The following ITPRID1 variants were observed in gnomAD, a reference collection of about 807,000 sequenced individuals.
ITPRID1 encodes the protein ITPR interacting domain containing 1.
ITPRID1 carries 96 observed loss-of-function variants against 95.4 expected under a neutral mutation model. The observed-to-expected ratio is 1.01, with a 90% CI of 0.85 to 1.19. The LOEUF (loss-of-function observed/expected upper bound fraction) is 1.19. Among genes scored for constraint, ITPRID1 ranks in the 50% most tolerant of loss-of-function variants. The pLI, the probability that ITPRID1 is intolerant of heterozygous loss-of-function variation, is 0.00. For missense variants in ITPRID1, 1,339 were observed against 1,252.9 expected, an observed-to-expected ratio of 1.07 and a Z score of -1.04; for synonymous variants, 510 against 453.6, an observed-to-expected ratio of 1.12 and a Z score of -1.58.
At chr7:31,571,900 C>T (rs1785002535) in intron 6 of ITPRID1, among the ~76,000 whole-genome samples, 1 of 152,164 alleles carries the variant, frequency 6.6e-6, no homozygotes, top group Admixed American at 6.6e-5. Flanking sequence ...TAAATTCTTA[C>T]ACCTTCTATA....
chr7:31,590,600 G>C (rs1329381908), intron 10 of ITPRID1, among the ~76,000 whole-genome samples: 1 of 152,182 alleles, frequency 6.6e-6, no homozygotes, highest in African/African-American at 2.4e-5. Context: ...TGAATATAAA[G>C]AGCGGACAAG....
chr7:31,592,853 A>G (rs1785925987), intron 10 of ITPRID1, among the ~76,000 whole-genome samples: 1 of 152,204 alleles, frequency 6.6e-6, no homozygotes, highest in Non-Finnish European at 1.5e-5. Flanking sequence ...AATAAAACCA[A>G]GGAAGGTTAA....
At chr7:31,630,978 T>C (rs1164267084) in intron 10 of ITPRID1, among the ~76,000 whole-genome samples, 2 of 152,108 alleles carry the variant, frequency 1.3e-5, no homozygotes, top group East Asian at 3.9e-4. Flanking sequence ...GGAAGGAACA[T>C]AAATTGTTCA....
intron 1 of ITPRID1, among the ~76,000 whole-genome samples, chr7:31,519,612 CTCTCTCTCTATATA>C (rs1297021561): frequency 8.5e-5 from 4 of 46,886 alleles, no homozygotes; most frequent in Admixed American, 2.7e-4. Context: ...CTCTCTCTCT[CTCTCTCTCTATATA>C]TATATATATA....
intron 5 of ITPRID1, among the ~76,000 whole-genome samples, chr7:31,561,367 C>T (rs943326379): frequency 4.6e-5 from 7 of 152,140 alleles, no homozygotes; most frequent in Admixed American, 2.0e-4. Context: ...GTGCCTTCCC[C>T]CAGCCTTCCT....
chr7:31,557,066 T>C (rs1784471710), intron 5 of ITPRID1, among the ~76,000 whole-genome samples: 1 of 151,850 alleles, frequency 6.6e-6, no homozygotes, highest in Non-Finnish European at 1.5e-5. Flanking sequence ...GTGAGTCTTT[T>C]CCTCTTATAA....
chr7:31,650,877 C>T (rs190027004), intron 12 of ITPRID1, among the ~76,000 whole-genome samples: 1 of 152,308 alleles, frequency 6.6e-6, no homozygotes, highest in Non-Finnish European at 1.5e-5. Context: ...CCTAGGCCTC[C>T]AGACTGCCTT....
At chr7:31,544,932 A>G (rs759989267) in intron 1 of ITPRID1, among the ~76,000 whole-genome samples, 4 of 152,174 alleles carry the variant, frequency 2.6e-5, no homozygotes, top group Non-Finnish European at 5.9e-5. Context: ...ATTGCTAATC[A>G]TCCACTGTTA....
At chr7:31,613,210 C>T (rs919429160) in intron 10 of ITPRID1, among the ~76,000 whole-genome samples, 1 of 152,092 alleles carries the variant, frequency 6.6e-6, no homozygotes, top group South Asian at 2.1e-4. Flanking sequence ...TAATGAAGAG[C>T]TGGGGAGAGG....
At chr7:31,582,053 T>A (rs1418233065) in intron 9 of ITPRID1, among the ~76,000 whole-genome samples, 4 of 152,242 alleles carry the variant, frequency 2.6e-5, no homozygotes, top group African/African-American at 9.6e-5. Flanking sequence ...TTAAAATGTT[T>A]ATGTCCTTTG....
chr7:31,520,515 TTGTGTGTGTGTGTG>T lies in ITPRID1; in HGVS notation c.-98+6432_-98+6445del, dbSNP rs57709822. On this transcript the variant is annotated intron_variant, in intron 1 of 14. Transcript: ENST00000615280. ...TGTGTCTCTTTGACATACCACATCA[TTGTGTGTGTGTGTG>T]TGTGTGTGTGTGTGTGTGTGTGTGT... is the stretch of plus-strand genomic sequence containing the variant. 7.8e-3 allele frequency among the ~76,000 whole-genome samples: 1,062 copies of T among 135,650 alleles called. 14 individuals carry two copies. The highest frequency in any genetic ancestry group is 0.028 in the African/African-American group (995 of 35,142). 89.0% of individuals were successfully genotyped at this position (135,650 alleles called of 152,430 possible). A position where few individuals can be genotyped will look rare whatever the true frequency, so the allele number is the denominator to read the frequency against.
intron 10 of ITPRID1, among the ~76,000 whole-genome samples, chr7:31,615,476 C>A (rs531460600): frequency 6.6e-6 from 1 of 151,994 alleles, no homozygotes; most frequent in Non-Finnish European, 1.5e-5. Flanking sequence ...GTACTATGGA[C>A]GCATCTTGAA....
chr7:31,577,015 C>G (rs1173468310), intron 8 of ITPRID1, among the ~76,000 whole-genome samples: 1 of 151,750 alleles, frequency 6.6e-6, no homozygotes, highest in African/African-American at 2.4e-5. Flanking sequence ...ACTGTACTTG[C>G]ATATGGCCCA....
At chr7:31,624,217 A>G (rs201422713) in intron 10 of ITPRID1, among the ~76,000 whole-genome samples, 62 of 147,346 alleles carry the variant, frequency 4.2e-4, no homozygotes, top group East Asian at 3.9e-3. Context: ...TATAGATTCA[A>G]TGCCATCCCC....
At chr7:31,526,860 T>C (rs1783438357) in intron 1 of ITPRID1, among the ~76,000 whole-genome samples, 1 of 152,146 alleles carries the variant, frequency 6.6e-6, no homozygotes, top group Non-Finnish European at 1.5e-5. Flanking sequence ...TCTTGTTGCT[T>C]CCATTCATTC....
chr7:31,635,103 G>A (rs1583674132), intron 10 of ITPRID1, among the ~76,000 whole-genome samples: 1 of 152,194 alleles, frequency 6.6e-6, no homozygotes, highest in African/African-American at 2.4e-5. Flanking sequence ...GGGTGTGGGA[G>A]TGATAAATGA....
intron 7 of ITPRID1, among the ~76,000 whole-genome samples, chr7:31,573,308 A>G (rs1411178953): frequency 6.6e-6 from 1 of 152,204 alleles, no homozygotes; most frequent in Non-Finnish European, 1.5e-5. Flanking sequence ...ACATAGAACA[A>G]AACTTCACAC....
Position 31,622,824 on chromosome 7 carries a change from T to G in ITPRID1, c.1229-19352T>G, listed in dbSNP as rs1788044831. ...AAAAATTAATGAATCCAGGAGCTGG[T>G]TTTTTGAAATGATCAACAAAATTGA... On this transcript the variant is annotated intron_variant, in intron 10 of 14. Transcript: ENST00000615280. Among the ~76,000 whole-genome samples the G allele has an allele frequency of 3.3e-5, 5 of 152,116 alleles. No homozygotes were observed. The South Asian group carries it at 1.0e-3, about 32-fold the overall frequency.
At chr7:31,637,335 T>C (rs1789582665) in intron 10 of ITPRID1, among the ~76,000 whole-genome samples, 1 of 152,200 alleles carries the variant, frequency 6.6e-6, no homozygotes, top group Non-Finnish European at 1.5e-5. Context: ...ATGGTTGAAC[T>C]AGTTTACAGT....
Sources: gnomAD v4.1 joint callset for allele counts (sites outside exome capture counted in the v4.1 genomes callset) on GRCh38, gnomAD v4.1.1 for gene constraint, MANE v1.5 for transcripts, NCBI Gene and HGNC (gene_info 2026-07-23, HGNC 2026-07-21) for gene names.